RBM26: variants seen among roughly 807,000 people sequenced by gnomAD.
RBM26 encodes RNA-binding protein 26.
Under a neutral mutation model 123.6 loss-of-function variants are expected in RBM26, and 30 were observed. That is an observed-to-expected ratio of 0.24 (90% CI 0.18 to 0.33). The LOEUF is 0.33. RBM26 is among the 10% of genes least tolerant of loss of function. The probability of loss-of-function intolerance (pLI) is 1.00; values close to 1 mark genes in which losing one functional copy is unlikely to be tolerated. For missense variants in RBM26, 947 were observed against 1,203.6 expected (o/e 0.79, Z 3.15); for synonymous variants, 400 against 404.4 (o/e 0.99, Z 0.13).
At chr13:79,359,199 A>G (rs1310146510) in intron 10 of RBM26, among the ~76,000 whole-genome samples, 1 of 152,122 alleles carries the variant, frequency 6.6e-6, no homozygotes, top group Admixed American at 6.6e-5. Context: ...GCTCCTACCT[A>G]GCAGGAACTG....
chr13:79,404,561 C>T (rs2079348033), intron 1 of RBM26, among the ~76,000 whole-genome samples: 1 of 152,170 alleles, frequency 6.6e-6, no homozygotes, highest in Admixed American at 6.6e-5. Context: ...ATATCCTCTC[C>T]CTCATCACAA....
intron 1 of RBM26, among the ~76,000 whole-genome samples, chr13:79,390,662 C>G (rs543045591): frequency 6.6e-6 from 1 of 152,288 alleles, no homozygotes; most frequent in East Asian, 1.9e-4. Flanking sequence ...GCACTGACAT[C>G]TGCGATTTAC....
At position 79,366,684 on chromosome 13, in the gene RBM26, G is replaced by A. The variant is rs1175721489; in HGVS notation, c.1084C>T (p.Pro362Ser). 8 of 1,602,316 alleles carry A rather than the reference G, an allele frequency of 5.0e-6. No homozygotes were observed. Among genetic ancestry groups the A allele is most frequent in the Non-Finnish European group, 6.0e-6 (7 of 1,173,210 alleles). The part of the protein sequence containing the change: ...ILTPPPVNLR[P>S]PVPPPGPLPP... ...AATGGACCTGGCGGTGGTACTGGGG[G>A]CCTGAGATTCACAGGTGGGGGTGTA... The change falls in exon 7 of 22, where the codon CCC (proline) becomes TCC (serine). Residue 362 changes from proline to serine, a missense_variant. Physicochemically the swap from Pro to Ser is moderately conservative, Grantham distance 74 (BLOSUM62 -1). This residue lies in a region of RBM26 where 493 missense variants were observed against 563.1 expected (regional missense o/e 0.88). Coordinates refer to ENST00000438737, the MANE Select transcript of RBM26 (RefSeq NM_001366735.2).
chr13:79,381,100 C>T (rs2077039168), intron 1 of RBM26, among the ~76,000 whole-genome samples: 1 of 152,040 alleles, frequency 6.6e-6, no homozygotes, highest in African/African-American at 2.4e-5. Flanking sequence ...CTAGTTTGTG[C>T]CATGAACTGC....
At chr13:79,344,428 A>T in intron 15 of RBM26, 106 bp from the exon 16 acceptor site, 2 of 928,788 alleles carry the variant, frequency 2.2e-6, no homozygotes, top group Non-Finnish European at 3.4e-6. Context: ...AACAAAAATT[A>T]TATGCAAGGC....
chr13:79,355,075 T>C (rs1322188973), intron 12 of RBM26, 145 bp downstream of exon 12: 18 of 690,504 alleles, frequency 2.6e-5, no homozygotes, highest in Non-Finnish European at 3.9e-5. Flanking sequence ...TGAGTAAATT[T>C]TTCAAGTCTT....
chr13:79,329,459 T>C (rs2068959887), intron 20 of RBM26, among the ~76,000 whole-genome samples: 1 of 152,034 alleles, frequency 6.6e-6, no homozygotes, highest in Non-Finnish European at 1.5e-5. Flanking sequence ...CTAAATATCT[T>C]TGCCTAATAA....
chr13:79,366,826 T>C lies in RBM26; in HGVS notation c.942A>G (p.Gly314=), dbSNP rs771107952. The C allele has an allele frequency of 3.7e-6, 6 of 1,612,960 alleles. No homozygotes were observed. The Admixed American group carries it at 6.7e-5, about 18-fold the overall frequency. ...MRGDMCPFDH[G]SDPVVVEDVN... Reference sequence around the variant, plus strand: ...CATCTTCTACAACTACTGGATCACTTCCATGATCAAAAGGACACATGTCTC... The same window carrying C: ...CATCTTCTACAACTACTGGATCACTCCCATGATCAAAAGGACACATGTCTC... The change falls in exon 7 of 22, where the codon GGA becomes GGG. Residue 314 remains glycine (G), a synonymous_variant. Transcript: ENST00000438737.
At chr13:79,365,886 G>T in intron 8 of RBM26, 168 bp from the exon 9 acceptor site, 2 of 955,046 alleles carry the variant, frequency 2.1e-6, no homozygotes, top group Non-Finnish European at 1.5e-6. Flanking sequence ...AAAAGAAAAT[G>T]TTTTTTTGAA....
intron 8 of RBM26, 90 bp downstream of exon 8, chr13:79,365,965 G>C (rs2075227260): frequency 1.6e-6 from 2 of 1,256,880 alleles, no homozygotes; most frequent in African/African-American, 3.0e-5. Flanking sequence ...GAGAAAAGTA[G>C]TCCTCACAGA....
In RBM26 at chr13:79,378,897, C is replaced by A; in HGVS notation, c.82G>T (p.Asp28Tyr). The A allele has an allele frequency of 6.2e-7, 1 of 1,600,672 alleles. No homozygotes were observed. Among genetic ancestry groups the A allele is most frequent in the South Asian group, 1.1e-5 (1 of 88,948 alleles). ...SKTLEPICDADPSALAKYVLA... is the reference protein window; with the variant it reads ...SKTLEPICDAYPSALAKYVLA... Reference sequence around the variant, plus strand: ...ACATATTTTGCTAGGGCGGATGGATCTGCATCACAGCTAAAGAAAAAAACC... The same window carrying A: ...ACATATTTTGCTAGGGCGGATGGATATGCATCACAGCTAAAGAAAAAAACC... Residue 28 changes from aspartate (D) to tyrosine (Y), a missense_variant, in exon 2 of 22, where the codon GAT becomes TAT. By Grantham distance (160) the Asp-to-Tyr change is radical. Transcript: ENST00000438737.
intron 1 of RBM26, among the ~76,000 whole-genome samples, chr13:79,397,576 G>A (rs1235101535): frequency 2.0e-5 from 3 of 147,430 alleles, no homozygotes; most frequent in African/African-American, 5.1e-5. Context: ...CAGTTACTCG[G>A]AAGACTGAGG....
intron 12 of RBM26, among the ~76,000 whole-genome samples, chr13:79,354,780 C>A (rs1022519839): frequency 6.6e-5 from 10 of 152,116 alleles, no homozygotes; most frequent in African/African-American, 2.4e-4. Flanking sequence ...AAATTAAAGT[C>A]CAACTTTCAA....
chr13:79,352,129 T>C (rs1359563794), intron 14 of RBM26, among the ~76,000 whole-genome samples: 2 of 152,170 alleles, frequency 1.3e-5, no homozygotes, highest in East Asian at 3.8e-4. Context: ...CAAACTCAGA[T>C]TCAAATACCT....
intron 14 of RBM26, among the ~76,000 whole-genome samples, chr13:79,347,528 C>T (rs1439271062): frequency 1.3e-5 from 2 of 152,106 alleles, no homozygotes; most frequent in African/African-American, 4.8e-5. Flanking sequence ...ACGAGCCCAA[C>T]AGAAAAGAAG....
In RBM26 at chr13:79,366,041, G is replaced by A. The variant is rs1156991228; in HGVS notation, c.1276+14C>T. 13 of 1,611,902 alleles carry A rather than the reference G, an allele frequency of 8.1e-6. No individual in the cohort carries two copies. The highest frequency in any genetic ancestry group is 1.1e-5 in the Non-Finnish European group (13 of 1,178,788). ...TGTGTTACATTACGAATATAAAAAGGGCCAAAACTGCACCTGCAGTAAAAA... is the reference window on the plus strand; with the variant it reads ...TGTGTTACATTACGAATATAAAAAGAGCCAAAACTGCACCTGCAGTAAAAA... On this transcript the variant is annotated intron_variant, in intron 8 of 21. Transcript: ENST00000438737.
intron 11 of RBM26, among the ~76,000 whole-genome samples, chr13:79,356,361 C>A (rs2073985402): frequency 8.5e-6 from 1 of 117,170 alleles, no homozygotes; most frequent in African/African-American, 3.2e-5. Context: ...AAGAGTGAGA[C>A]TCTGTCTCAA....
chr13:79,346,393 T>C (rs535603578), intron 14 of RBM26, among the ~76,000 whole-genome samples: 1 of 152,298 alleles, frequency 6.6e-6, no homozygotes, highest in South Asian at 2.1e-4. Flanking sequence ...ATTATTATAT[T>C]TGTGAGACAG....
intron 3 of RBM26, 184 bp downstream of exon 3, chr13:79,377,195 G>T: frequency 4.0e-6 from 2 of 498,752 alleles, no homozygotes; most frequent in South Asian, 3.7e-5. Context: ...ATATCCTTTT[G>T]CTGAAATAAG....
Sources: gnomAD v4.1 joint callset for allele counts (sites outside exome capture counted in the v4.1 genomes callset) on GRCh38, gnomAD v4.1.1 for gene constraint, gnomAD v4.1.1 regional missense constraint, MANE v1.5 for transcripts, NCBI Gene and HGNC (gene_info 2026-07-23, HGNC 2026-07-21) for gene names.